SELENOO: variants seen among roughly 807,000 people sequenced by gnomAD.
SELENOO encodes protein adenylyltransferase SelO, mitochondrial.
SELENOO carries 74 observed loss-of-function variants against 58.7 expected under a neutral mutation model. The ratio of observed to expected loss-of-function variants is 1.26; its 90% CI spans 1.04 to 1.53. The LOEUF (loss-of-function observed/expected upper bound fraction) is 1.53, where lower values mean the gene tolerates loss of function less well. Among genes scored for constraint, SELENOO ranks in the 40% most tolerant of loss-of-function variants. The probability of loss-of-function intolerance (pLI) is 0.00; values close to 1 mark genes in which losing one functional copy is unlikely to be tolerated. For synonymous variants in SELENOO, 543 were observed against 453.2 expected (o/e 1.20, Z -2.52); for missense variants, 1,149 against 970.0 (o/e 1.18, Z -2.45).
chr22:50,201,964 G>T (rs1302461034), intron 1 of SELENOO, among the ~76,000 whole-genome samples: 1 of 152,344 alleles, frequency 6.6e-6, no homozygotes, highest in East Asian at 1.9e-4. Flanking sequence ...CTTCACGGAG[G>T]CCTGGCCCTG....
At chr22:50,206,105 T>A in intron 1 of SELENOO, 1 of 597,952 alleles carries the variant, frequency 1.7e-6, no homozygotes, top group South Asian at 2.0e-5. Flanking sequence ...TACCAGAGGC[T>A]GTGCCGACAA....
intron 1 of SELENOO, among the ~76,000 whole-genome samples, chr22:50,202,630 G>T (rs1424341569): frequency 6.6e-6 from 1 of 151,402 alleles, no homozygotes; most frequent in Non-Finnish European, 1.5e-5. Flanking sequence ...TTTCATTTTT[G>T]GTGATATTTT....
rs777977138 is a variant in SELENOO, at chr22:50,208,645, T to A, written c.868T>A (p.Ser290Thr). The A allele has an allele frequency of 1.9e-6, 3 of 1,613,780 alleles. No individual in the cohort carries two copies. The highest frequency in any genetic ancestry group is 3.3e-5 in the Admixed American group (2 of 60,016). Residue 290 changes from serine to threonine, a missense_variant, in exon 3 of 9, where the codon TCC (serine) becomes ACC (threonine). Ser to Thr is a moderately conservative substitution (Grantham distance 58). Transcript: ENST00000380903. Reference sequence around the variant, plus strand: ...GCAGCTGCTCGACTATGTCATCAGCTCCTTTTACCCCGAGATCCAGGCTGC... The same window carrying A: ...GCAGCTGCTCGACTATGTCATCAGCACCTTTTACCCCGAGATCCAGGCTGC... ...RVQLLDYVIS[S>T]FYPEIQAAHA...
chr22:50,206,696 G>A (rs561333582), intron 2 of SELENOO, among the ~76,000 whole-genome samples, 176 bp downstream of exon 2: 142 of 152,334 alleles, frequency 9.3e-4, no homozygotes, highest in Non-Finnish European at 1.4e-3. Context: ...AAGTAGCTGC[G>A]TCACGCCCAC....
In SELENOO at chr22:50,215,644, G is replaced by A; in HGVS notation, c.1352-73G>A. On this transcript the variant is annotated intron_variant, in intron 5 of 8. Transcript: ENST00000380903. ...ACCTGTGCCAGGGGGGTGGGGGGGG[G>A]GGGGTCTGTGTGGCACCAGGACAGG... The A allele has an allele frequency of 5.8e-6, 7 of 1,206,904 alleles. No homozygotes were observed. In the South Asian group the frequency reaches 7.7e-5, roughly 13 times the overall value. 74.8% of individuals were successfully genotyped at this position (1,206,904 alleles called of 1,614,324 possible). A position where few individuals can be genotyped will look rare whatever the true frequency, so the allele number is the denominator to read the frequency against.
intron 1 of SELENOO, 150 bp from the exon 2 acceptor site, chr22:50,206,167 G>A: frequency 3.1e-6 from 2 of 648,520 alleles, no homozygotes; most frequent in Non-Finnish European, 5.4e-6. Context: ...GGCTCACAAG[G>A]CACCTGATGT....
chr22:50,201,172 GC>G lies in SELENOO; in HGVS notation c.137del (p.Ala46GlyfsTer202). On this transcript the variant is annotated frameshift_variant, in exon 1 of 9. Transcript: ENST00000380903. LOFTEE classifies it high-confidence loss of function. Reference protein sequence around the residue: ...AAMEPAPRWLAGLRFDNRALR... With the variant: ...AAMEPAPRWLXGLRFDNRALR... Reference sequence around the variant, plus strand: ...CATGGAGCCCGCGCCTCGCTGGCTGGCGGGGCTGCGCTTCGACAACCGCGCC... The same window carrying G: ...CATGGAGCCCGCGCCTCGCTGGCTGGGGGGCTGCGCTTCGACAACCGCGCC... 8.1e-7 allele frequency: 1 copy of G among 1,239,042 alleles called. No individual in the cohort carries two copies. The highest frequency in any genetic ancestry group is 1.0e-6 in the Non-Finnish European group (1 of 990,552). 76.8% of individuals were successfully genotyped at this position (1,239,042 alleles called of 1,614,324 possible).
chr22:50,207,416 G>A (rs908546575), intron 2 of SELENOO, among the ~76,000 whole-genome samples: 2 of 152,074 alleles, frequency 1.3e-5, no homozygotes, highest in African/African-American at 2.4e-5. Flanking sequence ...GAGCCACCGC[G>A]CCCGGCCCCC....
chr22:50,216,007 GGGCT>G, intron 6 of SELENOO, 140 bp downstream of exon 6: 3 of 673,130 alleles, frequency 4.5e-6, no homozygotes, highest in South Asian at 2.0e-5. Flanking sequence ...GATTCAGTCA[GGGCT>G]TCAGGGCATC....
At position 50,201,463 on chromosome 22, in the gene SELENOO, C is replaced by G; in HGVS notation, c.427C>G (p.His143Asp). 7.0e-7 allele frequency: 1 copy of G among 1,421,444 alleles called. No homozygotes were observed. Among genetic ancestry groups the G allele is most frequent in the Non-Finnish European group, 9.2e-7 (1 of 1,085,148 alleles). The allele number at this position is 1,421,444 out of a possible 1,614,324, so 88.1% of individuals were successfully genotyped here. A position where few individuals can be genotyped will look rare whatever the true frequency, so the allele number is the denominator to read the frequency against. ...GCCCGCCGCGCACTGCTACTGCGGC[C>G]ACCAATTCGGCCAGTTCGCCGGGCA... ...AEPAAHCYCG[H>D]QFGQFAGQLG... The change falls in exon 1 of 9, where the codon CAC (histidine) becomes GAC (aspartate). Residue 143 changes from histidine (H) to aspartate (D), a missense_variant. His to Asp is a moderately conservative substitution (Grantham distance 81). Coordinates refer to ENST00000380903, the MANE Select transcript of SELENOO (RefSeq NM_031454.2).
intron 4 of SELENOO, 44 bp from the exon 5 acceptor site, chr22:50,210,587 A>G (rs542798261): frequency 7.7e-5 from 124 of 1,611,722 alleles, no homozygotes; most frequent in Non-Finnish European, 1.0e-4. Context: ...TCTCCCGGGA[A>G]CTTCCTCTCA....
intron 3 of SELENOO, among the ~76,000 whole-genome samples, chr22:50,209,044 C>T (rs371604951): frequency 2.0e-5 from 3 of 152,172 alleles, no homozygotes; most frequent in Non-Finnish European, 4.4e-5. Context: ...TGGGTCGATA[C>T]GTCTTGATGC....
chr22:50,210,612 C>G lies in SELENOO; in HGVS notation c.1071-19C>G, dbSNP rs1382700440. ...ACTTCCTCTCAGGCAGGGCGTGGCT[C>G]TCTTGCCCCGTGTGGCAGGTACGAC... On this transcript the variant is annotated intron_variant, in intron 4 of 8. Coordinates refer to ENST00000380903, the MANE Select transcript of SELENOO (RefSeq NM_031454.2). 6.2e-7 allele frequency: 1 copy of G among 1,612,790 alleles called. No individual in the cohort carries two copies. Among genetic ancestry groups the G allele is most frequent in the Non-Finnish European group, 8.5e-7 (1 of 1,179,808 alleles).
Position 50,206,528 on chromosome 22 carries a change from CG to C in SELENOO, c.758+13del. On this transcript the variant is annotated intron_variant, in intron 2 of 8. Transcript: ENST00000380903. ...AGCTTCCACTTTCATAAGGTAATGC[CG>C]GGGGCCTTTCGGCCTGTCTACACGC... 1 of 1,609,960 alleles carries C rather than the reference CG, an allele frequency of 6.2e-7. No homozygotes were observed. The highest frequency in any genetic ancestry group is 8.5e-7 in the Non-Finnish European group (1 of 1,177,620).
At chr22:50,205,918 T>G in intron 1 of SELENOO, 1 of 222,826 alleles carries the variant, frequency 4.5e-6, no homozygotes, top group African/African-American at 2.3e-5. Flanking sequence ...GAGGAGCTCA[T>G]TCCTCAGCTG....
At chr22:50,211,663 GA>G (rs2064372342) in intron 5 of SELENOO, among the ~76,000 whole-genome samples, 1 of 152,166 alleles carries the variant, frequency 6.6e-6, no homozygotes, top group Non-Finnish European at 1.5e-5. Flanking sequence ...GCATTCTGGG[GA>G]TAAATTTTAC....
chr22:50,208,151 G>A, intron 2 of SELENOO, among the ~76,000 whole-genome samples: 1 of 152,248 alleles, frequency 6.6e-6, no homozygotes, highest in African/African-American at 2.4e-5. Flanking sequence ...GCCACAACAG[G>A]CCAGGCGCGG....
chr22:50,212,019 T>C (rs2064374571), intron 5 of SELENOO, among the ~76,000 whole-genome samples: 1 of 152,236 alleles, frequency 6.6e-6, no homozygotes, highest in Admixed American at 6.5e-5. Flanking sequence ...TGTATAATTA[T>C]TTTAATATGC....
Position 50,210,822 on chromosome 22 carries a change from A to T in SELENOO, c.1262A>T (p.Lys421Met). 1 of 1,614,094 alleles carries T rather than the reference A, an allele frequency of 6.2e-7. No individual in the cohort carries two copies. The highest frequency in any genetic ancestry group is 1.1e-5 in the South Asian group (1 of 91,090). The change falls in exon 5 of 9, where the codon AAG becomes ATG. Residue 421 changes from lysine to methionine, a missense_variant. Transcript: ENST00000380903. ...GAGTTCCAAAGGCACTACCTGCAGA[A>T]GATGCGCAGGAAGCTGGGCCTCGTG... is the stretch of plus-strand genomic sequence containing the variant. ...DAEFQRHYLQ[K>M]MRRKLGLVQV...
Sources: gnomAD v4.1 joint callset for allele counts (sites outside exome capture counted in the v4.1 genomes callset) on GRCh38, gnomAD v4.1.1 for gene constraint, MANE v1.5 for transcripts, NCBI Gene and HGNC (gene_info 2026-07-23, HGNC 2026-07-21) for gene names.